FAM135B: variants seen among roughly 807,000 people sequenced by gnomAD.
FAM135B encodes the protein protein FAM135B.
In FAM135B, 43 loss-of-function variants were observed where a neutral mutation model predicts 127.7. That is an observed-to-expected ratio of 0.34 (90% CI 0.26 to 0.43). FAM135B has a LOEUF of 0.43. FAM135B is among the 20% of genes least tolerant of loss of function. The pLI, the probability that FAM135B is intolerant of heterozygous loss-of-function variation, is 1.00. For missense variants in FAM135B, 1,558 were observed against 1,725.6 expected (o/e 0.90, Z 1.72); for synonymous variants, 670 against 665.1 (o/e 1.01, Z -0.11).
intron 1 of FAM135B, among the ~76,000 whole-genome samples, chr8:138,491,907 G>A (rs925807852): frequency 6.6e-6 from 1 of 152,178 alleles, no homozygotes; most frequent in African/African-American, 2.4e-5. Context: ...CAGCCAGGAG[G>A]CCAGGGTGGG....
At position 138,497,206 on chromosome 8, in the gene FAM135B, C is replaced by G. The variant is rs182484156; in HGVS notation, c.-555G>C. Among the ~76,000 whole-genome samples, 1,578 of 151,024 alleles carry G rather than the reference C, an allele frequency of 0.01. 25 individuals carry two copies. The highest frequency in any genetic ancestry group is 0.037 in the African/African-American group (1,518 of 41,392). On this transcript the variant is annotated 5_prime_UTR_variant, in exon 1 of 20. Coordinates refer to ENST00000395297, the MANE Select transcript of FAM135B (RefSeq NM_015912.4). ...GGCCGGGAGAGCCCGCCCTGCTGCT[C>G]CCGCTGGCTCCGCTCCGCAGCCGCT...
chr8:138,323,362 T>G (rs749288916), intron 2 of FAM135B, among the ~76,000 whole-genome samples: 2 of 152,178 alleles, frequency 1.3e-5, no homozygotes, highest in Non-Finnish European at 2.9e-5. Flanking sequence ...CCCTTGCAGC[T>G]AGGAGAAACC....
chr8:138,167,799 G>T, intron 12 of FAM135B, 96 bp downstream of exon 12: 8 of 1,347,156 alleles, frequency 5.9e-6, no homozygotes, highest in South Asian at 4.7e-5. Context: ...CATTAATTTG[G>T]TCTCACTTTT....
rs1203092437 is a variant in FAM135B at position 138,242,750 on chromosome 8, G to T, written c.669+192C>A. ...CCATATTCCCTGTATCTATCCCAGG[G>T]CTTGGCCTTAGAAATATGTCTGATA... On this transcript the variant is annotated intron_variant, in intron 7 of 19. Coordinates refer to ENST00000395297, the MANE Select transcript of FAM135B (RefSeq NM_015912.4). This position sits in a 1 kb window ranked among gnomAD's most constrained non-coding sequence, Gnocchi z 9.6. Among the ~76,000 whole-genome samples the T allele has an allele frequency of 6.6e-6, 1 of 152,130 alleles. No homozygotes were observed. Among genetic ancestry groups the T allele is most frequent in the Non-Finnish European group, 1.5e-5 (1 of 68,036 alleles).
At chr8:138,295,879 AAAT>A (rs879937230) in intron 3 of FAM135B, among the ~76,000 whole-genome samples, 49 of 152,312 alleles carry the variant, frequency 3.2e-4, no homozygotes, top group Non-Finnish European at 6.0e-4. Flanking sequence ...ATCTGGTAGG[AAAT>A]AAATAAAAAA....
At chr8:138,142,550 C>T (rs895338067) in intron 16 of FAM135B, among the ~76,000 whole-genome samples, 6 of 152,004 alleles carry the variant, frequency 3.9e-5, no homozygotes, top group Admixed American at 6.6e-5. Context: ...GTGATCCGCC[C>T]GCCTCAGCCT....
chr8:138,414,823 A>G (rs1834053399), intron 1 of FAM135B, among the ~76,000 whole-genome samples: 1 of 152,090 alleles, frequency 6.6e-6, no homozygotes, highest in South Asian at 2.1e-4. Flanking sequence ...TGAGTGTCCT[A>G]ATTCTAAAGA....
chr8:138,362,527 C>T (rs939405930), intron 2 of FAM135B, among the ~76,000 whole-genome samples: 2 of 152,100 alleles, frequency 1.3e-5, no homozygotes. Flanking sequence ...AGGTGGATAG[C>T]ACATACTGCT....
intron 3 of FAM135B, among the ~76,000 whole-genome samples, chr8:138,271,175 A>G (rs530577562): frequency 1.9e-4 from 29 of 152,224 alleles, no homozygotes; most frequent in Admixed American, 2.0e-4. Context: ...CTTACTTGAA[A>G]TATCTGAAGA....
intron 3 of FAM135B, among the ~76,000 whole-genome samples, chr8:138,300,002 C>T (rs1825765672): frequency 1.3e-5 from 2 of 152,090 alleles, no homozygotes; most frequent in South Asian, 4.1e-4. Flanking sequence ...GAATCTCGCT[C>T]TATCGCCCAG....
At chr8:138,494,849 A>AACAAAC (rs1554706389) in intron 1 of FAM135B, among the ~76,000 whole-genome samples, 7 of 150,000 alleles carry the variant, frequency 4.7e-5, no homozygotes, top group African/African-American at 1.2e-4. Context: ...AAAAAAAAAA[A>AACAAAC]AAACTTAATC....
intron 9 of FAM135B, among the ~76,000 whole-genome samples, chr8:138,186,597 G>A (rs566437117): frequency 1.1e-4 from 17 of 152,166 alleles, no homozygotes; most frequent in South Asian, 2.1e-4. Context: ...AGGAGTAGGC[G>A]GAAGCACACC....
chr8:138,192,856 G>A (rs567075688), intron 9 of FAM135B, among the ~76,000 whole-genome samples: 3 of 152,256 alleles, frequency 2.0e-5, no homozygotes, highest in East Asian at 3.9e-4. Flanking sequence ...CTCTGTCTAG[G>A]CAGTGGGTAA....
intron 1 of FAM135B, among the ~76,000 whole-genome samples, chr8:138,486,884 T>C (rs6577927): frequency 0.69 from 104,398 of 151,724 alleles, 39,658 homozygotes; most frequent in East Asian, 0.84. Flanking sequence ...GGCTAACAAA[T>C]ATCAGAAATA....
intron 2 of FAM135B, among the ~76,000 whole-genome samples, chr8:138,338,223 C>A (rs1587140678): frequency 1.3e-5 from 2 of 151,566 alleles, no homozygotes; most frequent in African/African-American, 2.4e-5. Context: ...TCTAAAACAC[C>A]AAAAGCAATG....
intron 7 of FAM135B, among the ~76,000 whole-genome samples, chr8:138,211,208 G>T (rs1818115955): frequency 6.6e-6 from 1 of 152,186 alleles, no homozygotes; most frequent in Admixed American, 6.5e-5. Flanking sequence ...TAGGAAAGCA[G>T]CTCAAAATAG....
In FAM135B at chr8:138,177,518, T is replaced by C. The variant is rs1814589090; in HGVS notation, c.1030-98A>G. On this transcript the variant is annotated intron_variant, in intron 10 of 19. Coordinates refer to ENST00000395297, the MANE Select transcript of FAM135B (RefSeq NM_015912.4). ...GAGGCTCAAAAAGATGAATGATATT[T>C]CCTAATAGGAAGAGAGCCAGGCCCC... is the stretch of plus-strand genomic sequence containing the variant. The C allele has an allele frequency of 2.7e-6, 3 of 1,099,442 alleles. No individual in the cohort carries two copies. In the African/African-American group the frequency reaches 4.7e-5, roughly 17 times the overall value. 68.1% of individuals were successfully genotyped at this position (1,099,442 alleles called of 1,614,324 possible).
At chr8:138,450,908 C>A (rs1234052704) in intron 1 of FAM135B, 2 of 152,166 alleles carry the variant, frequency 1.3e-5, no homozygotes, top group African/African-American at 4.8e-5. Context: ...TTACACCTCA[C>A]CTGATAAAAT....
chr8:138,392,577 G>C (rs921162847), intron 1 of FAM135B, among the ~76,000 whole-genome samples: 1 of 151,892 alleles, frequency 6.6e-6, no homozygotes, highest in South Asian at 2.1e-4. Context: ...CTACTCTGTC[G>C]GGATTTTTCT....
Sources: gnomAD v4.1 joint callset for allele counts (sites outside exome capture counted in the v4.1 genomes callset) on GRCh38, gnomAD v4.1.1 for gene constraint, Gnocchi (gnomAD v3.1) non-coding constraint, MANE v1.5 for transcripts, NCBI Gene and HGNC (gene_info 2026-07-23, HGNC 2026-07-21) for gene names.